Variants in SHQ1 observed in about 807,000 individuals in gnomAD.
SHQ1 encodes protein SHQ1 homolog.
SHQ1 carries 49 observed loss-of-function variants against 53.8 expected under a neutral mutation model. The observed-to-expected ratio is 0.91, with a 90% CI of 0.72 to 1.16. The LOEUF is 1.16. Among genes scored for constraint, SHQ1 ranks in the 50% most tolerant of loss-of-function variants. The pLI, the probability that SHQ1 is intolerant of heterozygous loss-of-function variation, is 0.00. For missense variants in SHQ1, 738 were observed against 683.1 expected (o/e 1.08, Z -0.90); for synonymous variants, 243 against 251.0 (o/e 0.97, Z 0.30).
At chr3:72,727,314 T>G in the SHQ1 span, among the ~76,000 whole-genome samples, 1 of 152,102 alleles carries the variant, frequency 6.6e-6, no homozygotes, top group Non-Finnish European at 1.5e-5. Context: ...CCCATGCGGC[T>G]GCCCCCTCCC....
chr3:72,776,236 C>G (rs1008285303), intron 10 of SHQ1, among the ~76,000 whole-genome samples: 2 of 152,200 alleles, frequency 1.3e-5, no homozygotes, highest in Non-Finnish European at 2.9e-5. Context: ...TGCCACATAA[C>G]AACGTTGTGG....
intron 10 of SHQ1, among the ~76,000 whole-genome samples, chr3:72,764,327 A>ATGAGCCACGG (rs1483105725): frequency 6.6e-6 from 1 of 152,134 alleles, no homozygotes; most frequent in Non-Finnish European, 1.5e-5. Context: ...GATTATTTGC[A>ATGAGCCACGG]TGAGCCACGG....
intron 10 of SHQ1, among the ~76,000 whole-genome samples, chr3:72,768,018 T>C (rs2106733121): frequency 6.6e-6 from 1 of 152,194 alleles, no homozygotes; most frequent in Admixed American, 6.5e-5. Context: ...TTCATTCCAC[T>C]GAGACAAATC....
chr3:72,847,373 T>C (rs1170731632), intron 1 of SHQ1, among the ~76,000 whole-genome samples: 1 of 152,092 alleles, frequency 6.6e-6, no homozygotes, highest in African/African-American at 2.4e-5. Flanking sequence ...GGACAAGAGA[T>C]TGGCAATACT....
At chr3:72,762,675 C>T (rs1477383402) in intron 10 of SHQ1, among the ~76,000 whole-genome samples, 1 of 151,808 alleles carries the variant, frequency 6.6e-6, no homozygotes, top group Non-Finnish European at 1.5e-5. Flanking sequence ...CTCCTTCTTG[C>T]CTCCAGTTTT....
At chr3:72,838,965 A>C (rs932727987) in intron 4 of SHQ1, among the ~76,000 whole-genome samples, 7 of 152,320 alleles carry the variant, frequency 4.6e-5, no homozygotes, top group Middle Eastern at 3.4e-3. Flanking sequence ...AAAAAAAAAA[A>C]ACCTAAATTA....
intron 10 of SHQ1, chr3:72,753,719 C>A: frequency 3.9e-6 from 3 of 776,592 alleles, no homozygotes; most frequent in Non-Finnish European, 4.7e-6. Flanking sequence ...GTTAATGATT[C>A]ACCAAAGCAT....
chr3:72,726,246 G>A, the SHQ1 span, among the ~76,000 whole-genome samples: 1 of 152,180 alleles, frequency 6.6e-6, no homozygotes, highest in African/African-American at 2.4e-5. Context: ...TTTAAGCCTG[G>A]GCCTGTGACC....
chr3:72,753,413 C>T, intron 10 of SHQ1: 1 of 985,384 alleles, frequency 1.0e-6, no homozygotes, highest in African/African-American at 1.7e-5. Context: ...CTGCATGTAC[C>T]TGAAATGCTA....
chr3:72,839,996 G>A (rs190426208), intron 4 of SHQ1, among the ~76,000 whole-genome samples: 217 of 152,076 alleles, frequency 1.4e-3, no homozygotes, highest in African/African-American at 5.1e-3. Flanking sequence ...TCCTGACCTC[G>A]TGATCCACCC....
the SHQ1 span, among the ~76,000 whole-genome samples, chr3:72,740,785 C>T: frequency 6.6e-6 from 1 of 152,138 alleles, no homozygotes; most frequent in Admixed American, 6.6e-5. Flanking sequence ...TCCTTTTACG[C>T]CCAGCCACTC....
At chr3:72,807,855 G>A (rs1188292991) in intron 9 of SHQ1, among the ~76,000 whole-genome samples, 1 of 152,082 alleles carries the variant, frequency 6.6e-6, no homozygotes, top group Non-Finnish European at 1.5e-5. Flanking sequence ...TTTGTTTATT[G>A]AGCCCAATTA....
intron 4 of SHQ1, among the ~76,000 whole-genome samples, chr3:72,837,517 A>G (rs1708037161): frequency 6.6e-6 from 1 of 152,182 alleles, no homozygotes; most frequent in South Asian, 2.1e-4. Context: ...CAAAAAAGCC[A>G]TTTTTCATCT....
intron 10 of SHQ1, among the ~76,000 whole-genome samples, chr3:72,765,936 TAAGAA>T (rs927502586): frequency 6.6e-6 from 1 of 152,056 alleles, no homozygotes; most frequent in African/African-American, 2.4e-5. Context: ...TATTCTTGTG[TAAGAA>T]AAGATAATAA....
rs1491527508 is a variant in SHQ1 at position 72,765,557 on chromosome 3, A to ATATTT, written c.1182-14722_1182-14721insAAATA. Among the ~76,000 whole-genome samples the ATATTT allele has an allele frequency of 2.8e-3, 159 of 57,174 alleles. 3 individuals carry two copies. The highest frequency in any genetic ancestry group is 0.012 in the African/African-American group (148 of 12,614). 37.5% of individuals were successfully genotyped at this position (57,174 alleles called of 152,430 possible). Reference sequence around the variant, plus strand: ...TATATATATATATATATATATATATATTTTTTTTTTTTTTTTGAGACAGTC... The same window carrying ATATTT: ...TATATATATATATATATATATATATATATTTTTTTTTTTTTTTTTTTGAGACAGTC... On this transcript the variant is annotated intron_variant, in intron 10 of 10. Transcript: ENST00000325599.
intron 10 of SHQ1, among the ~76,000 whole-genome samples, chr3:72,778,407 T>C (rs936777162): frequency 6.6e-6 from 1 of 151,706 alleles, no homozygotes; most frequent in Non-Finnish European, 1.5e-5. Context: ...TATGATCATA[T>C]CACTGCACTC....
chr3:72,817,597 T>C (rs1003189914), intron 6 of SHQ1, among the ~76,000 whole-genome samples: 3 of 152,204 alleles, frequency 2.0e-5, no homozygotes, highest in African/African-American at 7.2e-5. Flanking sequence ...TAAAGAAGAT[T>C]TTTCTAAATA....
chr3:72,848,423 C>A lies in SHQ1; in HGVS notation c.-83G>T. 1 of 1,563,746 alleles carries A rather than the reference C, an allele frequency of 6.4e-7. No individual in the cohort carries two copies. Among genetic ancestry groups the A allele is most frequent in the East Asian group, 2.3e-5 (1 of 43,724 alleles). ...CACGCAAACTCTCCAACTCCCCACGCGCAGGAACTCTCGGTGTGAGGGACG... is the reference window on the plus strand; with the variant it reads ...CACGCAAACTCTCCAACTCCCCACGAGCAGGAACTCTCGGTGTGAGGGACG... On this transcript the variant is annotated 5_prime_UTR_variant, in exon 1 of 11. Transcript: ENST00000325599.
At chr3:72,755,883 C>T (rs60228315) in intron 10 of SHQ1, among the ~76,000 whole-genome samples, 1 of 152,048 alleles carries the variant, frequency 6.6e-6, no homozygotes, top group East Asian at 1.9e-4. Context: ...ACCACTCTTA[C>T]AAACATCAGG....
Sources: gnomAD v4.1 joint callset for allele counts (sites outside exome capture counted in the v4.1 genomes callset) on GRCh38, gnomAD v4.1.1 for gene constraint, MANE v1.5 for transcripts, NCBI Gene and HGNC (gene_info 2026-07-23, HGNC 2026-07-21) for gene names.